GLIS3: variants seen among roughly 807,000 people sequenced by gnomAD.
GLIS3 encodes the protein zinc finger protein GLIS3.
In GLIS3, 53 loss-of-function variants were observed where a neutral mutation model predicts 78.6. The ratio of observed to expected loss-of-function variants is 0.67; its 90% CI spans 0.54 to 0.85. GLIS3 has a LOEUF of 0.85. GLIS3 is among the 40% of genes least tolerant of loss of function. The pLI, the probability that GLIS3 is intolerant of heterozygous loss-of-function variation, is 0.00. For missense variants in GLIS3, 1,703 were observed against 1,231.1 expected, an observed-to-expected ratio of 1.38 and a Z score of -5.74; for synonymous variants, 684 against 509.9, an observed-to-expected ratio of 1.34 and a Z score of -4.60.
chr9:4,351,276 G>A (rs1817967257), upstream of GLIS3, among the ~76,000 whole-genome samples: 1 of 151,892 alleles, frequency 6.6e-6, no homozygotes, highest in African/African-American at 2.4e-5. Flanking sequence ...TTAACTGGGT[G>A]TGGTTATAGT....
chr9:4,019,790 T>G (rs1027949122), intron 4 of GLIS3, among the ~76,000 whole-genome samples: 6 of 152,100 alleles, frequency 3.9e-5, no homozygotes, highest in African/African-American at 1.4e-4. Context: ...TAGAGTGCAG[T>G]GGGGCAATCA....
At chr9:4,248,548 A>G (rs1824032886) in intron 2 of GLIS3, among the ~76,000 whole-genome samples, 1 of 152,208 alleles carries the variant, frequency 6.6e-6, no homozygotes, top group South Asian at 2.1e-4. Context: ...TGCAATAAAT[A>G]TATGTGTGCA....
chr9:4,194,480 G>T (rs934236780), intron 2 of GLIS3, among the ~76,000 whole-genome samples: 5 of 152,216 alleles, frequency 3.3e-5, no homozygotes, highest in Non-Finnish European at 7.3e-5. Flanking sequence ...CAAGATGGTA[G>T]ATTCTCTCAT....
intron 4 of GLIS3, among the ~76,000 whole-genome samples, chr9:4,032,863 T>A (rs1012543715): frequency 6.6e-6 from 1 of 151,992 alleles, no homozygotes; most frequent in Non-Finnish European, 1.5e-5. Context: ...TTCTTTTTTT[T>A]TTTTTCCTGA....
chr9:4,000,259 T>C (rs367664842), intron 4 of GLIS3, among the ~76,000 whole-genome samples: 66 of 152,158 alleles, frequency 4.3e-4, no homozygotes, highest in African/African-American at 1.3e-3. Context: ...GATCCTATTA[T>C]ATACACTTCA....
At chr9:4,050,489 C>G (rs867765743) in intron 4 of GLIS3, among the ~76,000 whole-genome samples, 1 of 152,076 alleles carries the variant, frequency 6.6e-6, no homozygotes, top group African/African-American at 2.4e-5. Context: ...GGTGAAATAC[C>G]TAATGTACAT....
intron 9 of GLIS3, among the ~76,000 whole-genome samples, chr9:3,851,656 C>T (rs1032695962): frequency 1.3e-5 from 2 of 151,018 alleles, no homozygotes; most frequent in Admixed American, 6.6e-5. Context: ...AGTATTACAG[C>T]ACGATTAACA....
chr9:3,891,293 G>A (rs1037287060), intron 7 of GLIS3, among the ~76,000 whole-genome samples: 1 of 152,146 alleles, frequency 6.6e-6, no homozygotes, highest in Non-Finnish European at 1.5e-5. Flanking sequence ...CGCACTAAGA[G>A]GAAAATTCGG....
At chr9:4,202,276 G>A (rs571678382) in intron 2 of GLIS3, among the ~76,000 whole-genome samples, 10 of 146,056 alleles carry the variant, frequency 6.8e-5, no homozygotes, top group African/African-American at 2.0e-4. Context: ...TCAGCCTCCC[G>A]AGTAGCTGGG....
chr9:4,059,349 C>G (rs1173601452), intron 4 of GLIS3, among the ~76,000 whole-genome samples: 1 of 152,160 alleles, frequency 6.6e-6, no homozygotes. Flanking sequence ...TGGTTTTTGG[C>G]ACCTCTGGAG....
intron 8 of GLIS3, among the ~76,000 whole-genome samples, chr9:3,862,588 A>T (rs1820286472): frequency 6.6e-6 from 1 of 152,166 alleles, no homozygotes; most frequent in Non-Finnish European, 1.5e-5. Context: ...AATATTTCTT[A>T]CTTTTCTTCA....
At chr9:4,272,824 T>G (rs1049819009) in intron 2 of GLIS3, among the ~76,000 whole-genome samples, 2 of 152,190 alleles carry the variant, frequency 1.3e-5, no homozygotes, top group African/African-American at 4.8e-5. Flanking sequence ...TCCCCAAATG[T>G]CAGGTGATCT....
chr9:4,067,843 T>C (rs1430609161), intron 4 of GLIS3, among the ~76,000 whole-genome samples: 1 of 151,498 alleles, frequency 6.6e-6, no homozygotes, highest in African/African-American at 2.4e-5. Flanking sequence ...AACAGATTGA[T>C]CCCAGACTTC....
chr9:3,864,144 A>G (rs146936369), intron 8 of GLIS3, among the ~76,000 whole-genome samples: 2 of 152,248 alleles, frequency 1.3e-5, no homozygotes, highest in East Asian at 1.9e-4. Flanking sequence ...AAATTCTACT[A>G]TGAAAAAAAA....
chr9:4,271,498 G>T (rs1382544128), intron 2 of GLIS3, among the ~76,000 whole-genome samples: 1 of 152,150 alleles, frequency 6.6e-6, no homozygotes, highest in Non-Finnish European at 1.5e-5. Context: ...TATCTCCAGG[G>T]AGAAGAATGA....
chr9:4,200,389 C>A (rs1297761705), intron 2 of GLIS3, among the ~76,000 whole-genome samples: 4 of 151,724 alleles, frequency 2.6e-5, no homozygotes, highest in Non-Finnish European at 4.4e-5. Flanking sequence ...GAGAATAAAT[C>A]AGATTGGTAG....
intron 2 of GLIS3, among the ~76,000 whole-genome samples, chr9:4,221,257 C>T (rs1166379091): frequency 6.6e-6 from 1 of 152,062 alleles, no homozygotes; most frequent in Non-Finnish European, 1.5e-5. Flanking sequence ...TGTTAAAATT[C>T]AGGGAATCTG....
At chr9:3,852,469 C>A (rs920022898) in intron 9 of GLIS3, among the ~76,000 whole-genome samples, 2 of 152,138 alleles carry the variant, frequency 1.3e-5, no homozygotes, top group African/African-American at 4.8e-5. Context: ...TTCCCTGTTA[C>A]CAAGATGCTG....
intron 7 of GLIS3, among the ~76,000 whole-genome samples, chr9:3,892,779 C>G (rs1822550621): frequency 6.6e-6 from 1 of 152,094 alleles, no homozygotes; most frequent in African/African-American, 2.4e-5. Context: ...TTAGACTCAG[C>G]AGTCTGGTCT....
Sources: allele counts gnomAD v4.1 joint callset (sites outside exome capture counted in the v4.1 genomes callset), GRCh38; gene constraint gnomAD v4.1.1; transcripts MANE v1.5; gene names NCBI Gene and HGNC (gene_info 2026-07-23, HGNC 2026-07-21).